Variants in TACC2 observed in about 807,000 individuals in gnomAD.
TACC2 encodes the protein transforming acidic coiled-coil-containing protein 2.
In TACC2, 137 loss-of-function variants were observed where a neutral mutation model predicts 227.3. That is an observed-to-expected ratio of 0.60 (90% CI 0.52 to 0.69). TACC2 has a LOEUF of 0.69. Ranked by LOEUF, TACC2 falls within the 30% of genes least tolerant of loss-of-function variation. The pLI, the probability that TACC2 is intolerant of heterozygous loss-of-function variation, is 0.00. For synonymous variants in TACC2, 1,523 were observed against 1,487.5 expected (o/e 1.02, Z -0.55); for missense variants, 3,470 against 3,694.4 (o/e 0.94, Z 1.57).
rs375315872 is a variant in TACC2 at position 122,218,005 on chromosome 10, TGTG to T, written c.7546+1178_7546+1180del. Among the ~76,000 whole-genome samples, 83 of 152,208 alleles carry T rather than the reference TGTG, an allele frequency of 5.5e-4. 2 individuals carry two copies. In the East Asian group the frequency reaches 0.015, roughly 28 times the overall value. On this transcript the variant is annotated intron_variant, in intron 11 of 22. Transcript: ENST00000369005. ...TGTCGCCCAGGCTGGAGTGCAATGATGTGATCTCGGCTCACTGCAACCTCCGCC... is the reference window on the plus strand; with the variant it reads ...TGTCGCCCAGGCTGGAGTGCAATGATATCTCGGCTCACTGCAACCTCCGCC...
intron 7 of TACC2, among the ~76,000 whole-genome samples, chr10:122,153,583 T>A (rs1181190998): frequency 6.6e-6 from 1 of 152,220 alleles, no homozygotes; most frequent in Non-Finnish European, 1.5e-5. Context: ...CAAGTCCTCC[T>A]CAGGCCAAAG....
chr10:122,096,540 T>C (rs1449126697), intron 5 of TACC2, among the ~76,000 whole-genome samples: 3 of 151,940 alleles, frequency 2.0e-5, no homozygotes, highest in Non-Finnish European at 2.9e-5. Flanking sequence ...CTACTAAAAA[T>C]ACAAAATTCG....
chr10:122,069,526 G>A (rs754425972), intron 3 of TACC2, among the ~76,000 whole-genome samples: 1 of 152,198 alleles, frequency 6.6e-6, no homozygotes, highest in African/African-American at 2.4e-5. Context: ...ACAGGTGTGA[G>A]CCACTGCGCC....
chr10:122,217,052 G>A, intron 11 of TACC2: 1 of 853,040 alleles, frequency 1.2e-6, no homozygotes, highest in Non-Finnish European at 1.7e-6. Context: ...CTAAGAGCCA[G>A]CACGGTGCCC....
At chr10:122,173,344 C>T (rs1024912017) in intron 7 of TACC2, among the ~76,000 whole-genome samples, 1 of 152,180 alleles carries the variant, frequency 6.6e-6, no homozygotes, top group Non-Finnish European at 1.5e-5. Flanking sequence ...AGTTTGTGCC[C>T]CAGCCTCAGT....
chr10:122,049,002 G>C (rs905391806), intron 2 of TACC2, among the ~76,000 whole-genome samples: 3 of 152,232 alleles, frequency 2.0e-5, no homozygotes, highest in Admixed American at 2.0e-4. Flanking sequence ...TGTGCATTGT[G>C]AATTTCTAAA....
intron 3 of TACC2, among the ~76,000 whole-genome samples, chr10:122,077,695 G>A (rs188889737): frequency 1.3e-5 from 2 of 152,364 alleles, no homozygotes; most frequent in East Asian, 3.9e-4. Flanking sequence ...TGGGAGAAGG[G>A]AATGCTGCAC....
chr10:122,100,251 G>A (rs1225071513), intron 5 of TACC2, among the ~76,000 whole-genome samples: 3 of 148,840 alleles, frequency 2.0e-5, no homozygotes, highest in East Asian at 2.0e-4. Context: ...GCAACAGAGC[G>A]AGACTCTGTC....
At chr10:122,170,263 CTTTT>C (rs34194262) in intron 7 of TACC2, among the ~76,000 whole-genome samples, 4 of 63,212 alleles carry the variant, frequency 6.3e-5, no homozygotes, top group Non-Finnish European at 8.2e-5. Flanking sequence ...ATGATCAAGT[CTTTT>C]TTTTTTTTTT....
intron 11 of TACC2, 190 bp downstream of exon 11, chr10:122,217,018 C>A: frequency 8.1e-7 from 1 of 1,235,222 alleles, no homozygotes; most frequent in Admixed American, 2.4e-5. Context: ...TTGAAAGCAG[C>A]TGTCCCTTGA....
Position 122,085,402 on chromosome 10 carries a change from G to A in TACC2, c.2902G>A (p.Val968Ile). The A allele has an allele frequency of 1.2e-6, 2 of 1,613,996 alleles. No homozygotes were observed. Among genetic ancestry groups the A allele is most frequent in the South Asian group, 1.1e-5 (1 of 91,086 alleles). ...SSRVSPPAAD[V>I]LKDFSLAGNF... ...GAGGGTCTCGCCTCCAGCAGCAGATGTCTTAAAAGACTTTTCTCTTGCAGG... is the reference window on the plus strand; with the variant it reads ...GAGGGTCTCGCCTCCAGCAGCAGATATCTTAAAAGACTTTTCTCTTGCAGG... The change falls in exon 4 of 23, where the codon GTC (valine) becomes ATC (isoleucine). Residue 968 changes from valine to isoleucine, a missense_variant. Val to Ile is a conservative substitution (Grantham distance 29). Coordinates refer to ENST00000369005, the MANE Select transcript of TACC2 (RefSeq NM_206862.4).
At chr10:122,241,696 G>T in intron 18 of TACC2, 1 of 536,618 alleles carries the variant, frequency 1.9e-6, no homozygotes, top group Non-Finnish European at 3.3e-6. Flanking sequence ...CTCAATACCT[G>T]GGACTGCAGG....
At chr10:122,133,050 C>A (rs922646094) in intron 6 of TACC2, among the ~76,000 whole-genome samples, 3 of 152,256 alleles carry the variant, frequency 2.0e-5, no homozygotes, top group Admixed American at 6.5e-5. Flanking sequence ...GAAACAGAAA[C>A]CCTCCAGTAG....
chr10:122,211,369 C>T lies in TACC2; in HGVS notation c.6944C>T (p.Pro2315Leu). Residue 2315 changes from proline (P) to leucine (L), a missense_variant, in exon 9 of 23, where the codon CCT becomes CTT. Around this residue, in one of 10 missense-constraint regions of TACC2, gnomAD observed 593 missense variants for 636.6 expected, o/e 0.93. Coordinates refer to ENST00000369005, the MANE Select transcript of TACC2 (RefSeq NM_206862.4). ...ACACCCGAGAAACTTGACAACACTC[C>T]TGCCTCACCTCCCAGATCCCCTGCT... ...KKTPEKLDNT[P>L]ASPPRSPAEP... The T allele has an allele frequency of 6.2e-7, 1 of 1,614,052 alleles. No individual in the cohort carries two copies. Among genetic ancestry groups the T allele is most frequent in the Admixed American group, 1.7e-5 (1 of 60,004 alleles).
chr10:122,003,444 C>T (rs1304607502), intron 1 of TACC2, among the ~76,000 whole-genome samples: 2 of 152,052 alleles, frequency 1.3e-5, no homozygotes, highest in African/African-American at 2.4e-5. Flanking sequence ...GCTTTAAATA[C>T]ATCCCATTGA....
At chr10:122,075,188 C>CAAAA (rs74264562) in intron 3 of TACC2, among the ~76,000 whole-genome samples, 8 of 142,576 alleles carry the variant, frequency 5.6e-5, no homozygotes, top group African/African-American at 2.1e-4. Flanking sequence ...ATCTTGCTGC[C>CAAAA]AAAAAAAAAA....
chr10:122,246,779 A>G (rs2096130227), intron 19 of TACC2: 1 of 152,300 alleles, frequency 6.6e-6, no homozygotes, highest in Non-Finnish European at 1.5e-5. Flanking sequence ...GCGTGCATTC[A>G]TCAGGGAGAT....
At chr10:122,058,641 T>C (rs1169366347) in intron 3 of TACC2, among the ~76,000 whole-genome samples, 1 of 152,106 alleles carries the variant, frequency 6.6e-6, no homozygotes, top group East Asian at 1.9e-4. Flanking sequence ...TCTCTTGACC[T>C]TGTGATTCAC....
At chr10:122,236,494 C>T (rs141265899) in intron 16 of TACC2, among the ~76,000 whole-genome samples, 11 of 152,326 alleles carry the variant, frequency 7.2e-5, no homozygotes, top group African/African-American at 1.4e-4. Flanking sequence ...ACTGACAACC[C>T]GGCTGTGCTG....
Sources: gnomAD v4.1 joint callset for allele counts (sites outside exome capture counted in the v4.1 genomes callset) on GRCh38, gnomAD v4.1.1 for gene constraint, gnomAD v4.1.1 regional missense constraint, MANE v1.5 for transcripts, NCBI Gene and HGNC (gene_info 2026-07-23, HGNC 2026-07-21) for gene names.